COL24A1: variants seen among roughly 807,000 people sequenced by gnomAD.
COL24A1 encodes the protein collagen alpha-1(XXIV) chain.
COL24A1 carries 224 observed loss-of-function variants against 253.9 expected under a neutral mutation model. The observed-to-expected ratio is 0.88, with a 90% CI of 0.79 to 0.99. COL24A1 has a LOEUF of 0.99. Ranked by LOEUF, COL24A1 falls within the 50% of genes least tolerant of loss-of-function variation. The probability of loss-of-function intolerance (pLI) is 0.00; values close to 1 mark genes in which losing one functional copy is unlikely to be tolerated. For missense variants in COL24A1, 2,131 were observed against 2,068.5 expected, an observed-to-expected ratio of 1.03 and a Z score of -0.59; for synonymous variants, 685 against 673.7, an observed-to-expected ratio of 1.02 and a Z score of -0.26.
intron 19 of COL24A1, among the ~76,000 whole-genome samples, chr1:86,016,087 C>G (rs1696966462): frequency 6.6e-6 from 1 of 151,302 alleles, no homozygotes; most frequent in African/African-American, 2.4e-5. Flanking sequence ...GTTGCTAGGG[C>G]TGGTCTAGAA....
At chr1:86,109,038 G>C (rs1705288501) in intron 5 of COL24A1, among the ~76,000 whole-genome samples, 1 of 152,208 alleles carries the variant, frequency 6.6e-6, no homozygotes, top group Non-Finnish European at 1.5e-5. Context: ...CCTGGGTCTT[G>C]TGGAGAGGAG....
At chr1:86,002,633 T>C (rs584883) in intron 19 of COL24A1, among the ~76,000 whole-genome samples, 30,173 of 151,874 alleles carry the variant, frequency 0.2, 4,050 homozygotes, top group African/African-American at 0.38. Context: ...ACATACGTGA[T>C]GTCATGCTGA....
At chr1:85,863,557 T>G (rs1679414243) in intron 37 of COL24A1, among the ~76,000 whole-genome samples, 1 of 152,146 alleles carries the variant, frequency 6.6e-6, no homozygotes, top group Non-Finnish European at 1.5e-5. Context: ...AAATGGGATC[T>G]AATTAAACTA....
chr1:85,826,585 T>A, intron 43 of COL24A1, among the ~76,000 whole-genome samples: 1 of 150,556 alleles, frequency 6.6e-6, no homozygotes, highest in South Asian at 2.2e-4. Context: ...TTTGTTTGTA[T>A]CCTCTTTTAT....
rs1027447755 is a variant in COL24A1 at position 85,861,469 on chromosome 1, A to G, written c.3300+7050T>C. ...AATCTTTTAATTTTAATGAAGTCCAATTTATCTTAGAAGACGTACTCCCAT... is the reference window on the plus strand; with the variant it reads ...AATCTTTTAATTTTAATGAAGTCCAGTTTATCTTAGAAGACGTACTCCCAT... On this transcript the variant is annotated intron_variant, in intron 37 of 59. Coordinates refer to ENST00000370571, the MANE Select transcript of COL24A1 (RefSeq NM_152890.7). Among the ~76,000 whole-genome samples the G allele has an allele frequency of 3.9e-5, 6 of 152,228 alleles. No homozygotes were observed. The East Asian group carries it at 9.7e-4, about 24-fold the overall frequency.
chr1:85,909,838 A>T (rs1022733274), intron 26 of COL24A1, 112 bp downstream of exon 26: 1 of 874,344 alleles, frequency 1.1e-6, no homozygotes, highest in Non-Finnish European at 1.9e-6. Context: ...TTCTATGGGA[A>T]ATTTAACATT....
chr1:85,892,986 C>T (rs1034348280), intron 31 of COL24A1, among the ~76,000 whole-genome samples: 2 of 151,962 alleles, frequency 1.3e-5, no homozygotes, highest in African/African-American at 2.4e-5. Flanking sequence ...AAATGGGAGA[C>T]CCAAATCTAA....
intron 7 of COL24A1, among the ~76,000 whole-genome samples, chr1:86,081,237 T>G (rs1702615874): frequency 6.6e-6 from 1 of 152,174 alleles, no homozygotes; most frequent in Admixed American, 6.5e-5. Flanking sequence ...CTTCTAAGTA[T>G]GGATCAATTC....
intron 14 of COL24A1, among the ~76,000 whole-genome samples, chr1:86,026,633 A>T (rs2101429355): frequency 6.6e-6 from 1 of 152,278 alleles, no homozygotes; most frequent in Non-Finnish European, 1.5e-5. Context: ...TTCCTTTATA[A>T]ATTACCCAGT....
intron 43 of COL24A1, among the ~76,000 whole-genome samples, chr1:85,836,952 C>T (rs1676068772): frequency 6.6e-6 from 1 of 152,182 alleles, no homozygotes; most frequent in South Asian, 2.1e-4. Context: ...GTTAACTGCT[C>T]ATTTGCTGGT....
chr1:85,794,688 A>C (rs967237601), intron 47 of COL24A1, among the ~76,000 whole-genome samples: 1 of 152,202 alleles, frequency 6.6e-6, no homozygotes, highest in Admixed American at 6.5e-5. Flanking sequence ...CATTCTTTCC[A>C]GTGTCTTCTA....
intron 24 of COL24A1, among the ~76,000 whole-genome samples, chr1:85,933,356 A>T (rs1281295269): frequency 6.6e-6 from 1 of 152,164 alleles, no homozygotes; most frequent in East Asian, 1.9e-4. Context: ...GCTGTGTTTC[A>T]CAGAATAATT....
At chr1:85,736,399 C>T in intron 58 of COL24A1, 1 of 456,252 alleles carries the variant, frequency 2.2e-6, no homozygotes, top group Non-Finnish European at 4.4e-6. Flanking sequence ...CATCTTCTTT[C>T]CTTCTATGAT....
intron 53 of COL24A1, among the ~76,000 whole-genome samples, chr1:85,762,196 G>A (rs571626273): frequency 1.3e-5 from 2 of 152,270 alleles, no homozygotes; most frequent in South Asian, 2.1e-4. Context: ...TAACTTAGAT[G>A]TTCAGCTAAA....
chr1:85,822,039 T>C (rs1036006646), intron 45 of COL24A1, among the ~76,000 whole-genome samples: 17 of 152,366 alleles, frequency 1.1e-4, no homozygotes, highest in Admixed American at 7.8e-4. Flanking sequence ...ATGTTTTCTA[T>C]GACTTTTTCC....
chr1:85,778,108 A>C (rs1321199557), intron 52 of COL24A1, among the ~76,000 whole-genome samples: 1 of 151,766 alleles, frequency 6.6e-6, no homozygotes, highest in African/African-American at 2.4e-5. Flanking sequence ...ATAGCAACAG[A>C]TAGGTAGATA....
chr1:85,952,872 A>G lies in COL24A1; in HGVS notation c.2562+8377T>C, dbSNP rs182848546. 8.9e-4 allele frequency among the ~76,000 whole-genome samples: 136 copies of G among 152,334 alleles called. 1 individual carries two copies. The highest frequency in any genetic ancestry group is 1.9e-4 in the East Asian group (1 of 5,188). On this transcript the variant is annotated intron_variant, in intron 24 of 59. Coordinates refer to ENST00000370571, the MANE Select transcript of COL24A1 (RefSeq NM_152890.7). The stretch of plus-strand genomic sequence containing the variant: ...ACTTTTAAGTTTTAAAATTTAGTAT[A>G]TTGATTACATAGTCCTTAATATTTT...
At chr1:85,851,093 C>G (rs1284653930) in intron 37 of COL24A1, among the ~76,000 whole-genome samples, 3 of 150,602 alleles carry the variant, frequency 2.0e-5, no homozygotes, top group African/African-American at 7.3e-5. Flanking sequence ...ACCCTTTTTC[C>G]CTACTCAGGT....
At chr1:86,036,352 TGATAGA>T (rs1454447163) in intron 12 of COL24A1, among the ~76,000 whole-genome samples, 1 of 152,160 alleles carries the variant, frequency 6.6e-6, no homozygotes. Context: ...TCTCTATTCT[TGATAGA>T]GATAATTTAT....
Sources: allele counts gnomAD v4.1 joint callset (sites outside exome capture counted in the v4.1 genomes callset), GRCh38; gene constraint gnomAD v4.1.1; transcripts MANE v1.5; gene names NCBI Gene and HGNC (gene_info 2026-07-23, HGNC 2026-07-21).